Variants in NFKB2 observed in about 807,000 individuals in gnomAD.
The protein encoded by NFKB2 is nuclear factor kappa B subunit 2.
NFKB2 carries 21 observed loss-of-function variants against 109.3 expected under a neutral mutation model. The observed-to-expected ratio is 0.19, with a 90% confidence interval of 0.14 to 0.28. NFKB2 has a LOEUF of 0.28. Among genes scored for constraint, NFKB2 ranks in the 10% least tolerant of loss-of-function variants. The probability of loss-of-function intolerance (pLI) is 1.00; values close to 1 mark genes in which losing one functional copy is unlikely to be tolerated. For synonymous variants in NFKB2, 478 were observed against 489.9 expected (o/e 0.98, Z 0.32); for missense variants, 806 against 1,185.3 (o/e 0.68, Z 4.70).
At position 102,400,578 on chromosome 10, in the gene NFKB2, C is replaced by T. The variant is rs779609849; in HGVS notation, c.1799-77C>T. 57 of 1,597,702 alleles carry T rather than the reference C, an allele frequency of 3.6e-5. No homozygotes were observed. The highest frequency in any genetic ancestry group is 4.5e-5 in the Non-Finnish European group (53 of 1,170,092). ...GTGCCCAGAATGGACTATGAGGTGTCGAGATTGAATGGTCAGGGCTGGTCC... is the reference window on the plus strand; with the variant it reads ...GTGCCCAGAATGGACTATGAGGTGTTGAGATTGAATGGTCAGGGCTGGTCC... On this transcript the variant is annotated intron_variant, in intron 16 of 22. Coordinates refer to ENST00000661543, the MANE Select transcript of NFKB2 (RefSeq NM_001322934.2). The surrounding 1 kb of genome is among the most constrained non-coding windows in gnomAD (Gnocchi z 6.3).
In NFKB2 at chr10:102,399,996, G is replaced by A. The variant is rs2135436829; in HGVS notation, c.1470-84G>A. ...CGTGCTGGGTTCCATGGGCCCCAGC[G>A]AGGGAGACTATGAGGGCGGTGGGGC... is the stretch of plus-strand genomic sequence containing the variant. On this transcript the variant is annotated intron_variant, in intron 14 of 22. Transcript: ENST00000661543. 6 of 1,397,722 alleles carry A rather than the reference G, an allele frequency of 4.3e-6. No individual in the cohort carries two copies. In the South Asian group the frequency reaches 7.1e-5, roughly 17 times the overall value. The allele number at this position is 1,397,722 out of a possible 1,614,324, so 86.6% of individuals were successfully genotyped here. A position where few individuals can be genotyped will look rare whatever the true frequency, so the allele number is the denominator to read the frequency against.
Position 102,399,306 on chromosome 10 carries a change from T to C in NFKB2, c.1136T>C (p.Phe379Ser). 6.3e-7 allele frequency: 1 copy of C among 1,597,864 alleles called. No homozygotes were observed. Among genetic ancestry groups the C allele is most frequent in the Non-Finnish European group, 8.5e-7 (1 of 1,173,064 alleles). Reference sequence around the variant, plus strand: ...TCCACAGGTGGCAGCCTCGGTTTCTTCCCCTCCTCCCTGGCCTACAGCCCC... The same window carrying C: ...TCCACAGGTGGCAGCCTCGGTTTCTCCCCCTCCTCCCTGGCCTACAGCCCC... ...GAGGGGSLGFFPSSLAYSPYQ... is the reference protein window; with the variant it reads ...GAGGGGSLGFSPSSLAYSPYQ... Residue 379 changes from phenylalanine to serine, a missense_variant, in exon 13 of 23, where the codon TTC becomes TCC. Physicochemically the swap from Phe to Ser is radical, Grantham distance 155. Transcript: ENST00000661543.
Position 102,397,502 on chromosome 10 carries a change from G to C in NFKB2, c.503-25G>C, listed in dbSNP as rs374531019. On this transcript the variant is annotated intron_variant, in intron 7 of 22. Transcript: ENST00000661543. This position sits in a 1 kb window ranked among gnomAD's most constrained non-coding sequence, Gnocchi z 4.7. ...AGGAGCAGGGAGGGAGAAGCCCAGG[G>C]GTCACACATGTACCTACTGCCCAGA... 4 of 1,610,160 alleles carry C rather than the reference G, an allele frequency of 2.5e-6. No homozygotes were observed. In the African/African-American group the frequency reaches 5.3e-5, roughly 22 times the overall value.
At chr10:102,395,633 G>A (rs556584645), upstream of NFKB2, 14 of 479,228 alleles carry the variant, frequency 2.9e-5, no homozygotes, top group Admixed American at 2.2e-4. Context: ...GGGGCCAGTG[G>A]CGTCATTTCC....
In NFKB2 at chr10:102,399,572, C is replaced by T. The variant is rs1364475960; in HGVS notation, c.1328-5C>T. 1 of 1,549,660 alleles carries T rather than the reference C, an allele frequency of 6.5e-7. No homozygotes were observed. Among genetic ancestry groups the T allele is most frequent in the Non-Finnish European group, 8.7e-7 (1 of 1,147,150 alleles). ...GCCCTGACCCACGCCCTCTGTGGCC[C>T]GTAGCTCGAGAGTACAACGCGCGCC... On this transcript the variant is annotated splice_region_variant and splice_polypyrimidine_tract_variant and intron_variant, in intron 13 of 22. Transcript: ENST00000661543.
Position 102,401,472 on chromosome 10 carries a change from T to C in NFKB2, c.2247T>C (p.Ala749=). The part of the protein sequence containing the change: ...STKVKTLLLN[A]AQNTMEPPLT... Reference sequence around the variant, plus strand: ...AGGTGAAGACCTTGCTGCTAAATGCTGCTCAGAACACCATGGAGCCACCCC... The same window carrying C: ...AGGTGAAGACCTTGCTGCTAAATGCCGCTCAGAACACCATGGAGCCACCCC... The change falls in exon 20 of 23, where the codon GCT becomes GCC. Residue 749 remains alanine, a synonymous_variant. Transcript: ENST00000661543. The surrounding 1 kb of genome is among the most constrained non-coding windows in gnomAD (Gnocchi z 4.2). The C allele has an allele frequency of 6.2e-7, 1 of 1,613,892 alleles. No homozygotes were observed. The highest frequency in any genetic ancestry group is 1.7e-4 in the Middle Eastern group (1 of 6,058).
In NFKB2 at chr10:102,402,341, C is replaced by T; in HGVS notation, c.2668C>T (p.Leu890Phe). The T allele has an allele frequency of 6.4e-7, 1 of 1,564,888 alleles. No homozygotes were observed. The highest frequency in any genetic ancestry group is 8.6e-7 in the Non-Finnish European group (1 of 1,156,566). Reference protein sequence around the residue: ...LGPPPEPPGGLCHGHPQPQVH With the variant: ...LGPPPEPPGGFCHGHPQPQVH ...CCCACCCCCTGAGCCACCAGGAGGG[C>T]TCTGCCACGGGCACCCCCAGCCTCA... Residue 890 changes from leucine to phenylalanine, a missense_variant, in exon 23 of 23, where the codon CTC becomes TTC. Physicochemically the swap from Leu to Phe is conservative, Grantham distance 22. Around this residue, in one of 10 missense-constraint regions of NFKB2, gnomAD observed 211 missense variants for 268.7 expected, o/e 0.79. Coordinates refer to ENST00000661543, the MANE Select transcript of NFKB2 (RefSeq NM_001322934.2).
Position 102,396,344 on chromosome 10 carries a change from T to C in NFKB2, c.103+10T>C, listed in dbSNP as rs1251667593. ...CCAGCCCCAGAAACAGGTCAGCAAG[T>C]TCACTAACCTCCCCTAGTCCTAAAG... On this transcript the variant is annotated intron_variant, in intron 3 of 22. Coordinates refer to ENST00000661543, the MANE Select transcript of NFKB2 (RefSeq NM_001322934.2). This position sits in a 1 kb window ranked among gnomAD's most constrained non-coding sequence, Gnocchi z 5.9. 1 of 1,613,458 alleles carries C rather than the reference T, an allele frequency of 6.2e-7. No homozygotes were observed. Among genetic ancestry groups the C allele is most frequent in the Non-Finnish European group, 8.5e-7 (1 of 1,179,466 alleles).
chr10:102,400,540 G>A lies in NFKB2; in HGVS notation c.1798+49G>A. On this transcript the variant is annotated intron_variant, in intron 16 of 22. Coordinates refer to ENST00000661543, the MANE Select transcript of NFKB2 (RefSeq NM_001322934.2). This position sits in a 1 kb window ranked among gnomAD's most constrained non-coding sequence, Gnocchi z 6.3. ...TAAGGGGGCAGGCGGGGACCAGGGA[G>A]GGTATCTGGCCAGTGCCCAGAATGG... 1 of 1,588,500 alleles carries A rather than the reference G, an allele frequency of 6.3e-7. No homozygotes were observed. The highest frequency in any genetic ancestry group is 8.6e-7 in the Non-Finnish European group (1 of 1,166,528).
In NFKB2 at chr10:102,396,006, C is replaced by T; in HGVS notation, c.21+26C>T. The stretch of plus-strand genomic sequence containing the variant: ...GTGAGTCATGCCGCCTGCCCCTGAC[C>T]CGGCCGGCTGCCCCTCGTGTCTGTC... On this transcript the variant is annotated intron_variant, in intron 2 of 22. Transcript: ENST00000661543. This position sits in a 1 kb window ranked among gnomAD's most constrained non-coding sequence, Gnocchi z 5.9. The T allele has an allele frequency of 6.2e-7, 1 of 1,611,802 alleles. No homozygotes were observed. Among genetic ancestry groups the T allele is most frequent in the African/African-American group, 1.3e-5 (1 of 75,042 alleles).
At position 102,401,402 on chromosome 10, in the gene NFKB2, C is replaced by CTTAA. The variant is rs756789475; in HGVS notation, c.2224-46_2224-43dup. 3 of 1,613,398 alleles carry CTTAA rather than the reference C, an allele frequency of 1.9e-6. No homozygotes were observed. In the African/African-American group the frequency reaches 4.0e-5, roughly 22 times the overall value. On this transcript the variant is annotated intron_variant, in intron 19 of 22. Transcript: ENST00000661543. This position sits in a 1 kb window ranked among gnomAD's most constrained non-coding sequence, Gnocchi z 4.2. ...GAGTATCTGGACTTAAAGACACAGG[C>CTTAA]TTAAGGACGAGGTGGGAGGTAGTCA...
rs1223564773 is a variant in NFKB2, at chr10:102,400,356, C to T, written c.1663C>T (p.Leu555=). ...GCTGCGGGTAGGTGCAGACCCAGCT[C>T]TGCTGGATCGGCATGGAGACTCAGC... The part of the protein sequence containing the change: ...FLLRVGADPA[L]LDRHGDSAMH... Residue 555 remains leucine, a synonymous_variant, in exon 16 of 23, where the codon CTG becomes TTG. Transcript: ENST00000661543. This position sits in a 1 kb window ranked among gnomAD's most constrained non-coding sequence, Gnocchi z 6.3. 6.2e-7 allele frequency: 1 copy of T among 1,613,884 alleles called. No individual in the cohort carries two copies. Among genetic ancestry groups the T allele is most frequent in the South Asian group, 1.1e-5 (1 of 91,090 alleles).
rs749056816 is a variant in NFKB2, at chr10:102,399,442, C to G, written c.1272C>G (p.Ser424Arg). The change falls in exon 13 of 23, where the codon AGC (serine) becomes AGG (arginine). Residue 424 changes from serine to arginine, a missense_variant. By Grantham distance (110) the Ser-to-Arg change is moderately radical (BLOSUM62 -1). Coordinates refer to ENST00000661543, the MANE Select transcript of NFKB2 (RefSeq NM_001322934.2). ...RDSGEEAAEP[S>R]APSRTPQCEP... ...CCGGGGAGGAAGCCGCGGAGCCAAG[C>G]GCCCCCTCCAGGACCCCCCAGTGCG... 1.3e-6 allele frequency: 2 copies of G among 1,513,358 alleles called. No individual in the cohort carries two copies. Among genetic ancestry groups the G allele is most frequent in the South Asian group, 1.2e-5 (1 of 80,566 alleles). 93.7% of individuals were successfully genotyped at this position (1,513,358 alleles called of 1,614,324 possible).
In NFKB2 at chr10:102,396,407, G is replaced by C; in HGVS notation, c.104-42G>C. ...AGCATGTGCCCTCTCTCTGGGGGAGGGGCTGGGAGATCGTGGCTCAGCAAG... is the reference window on the plus strand; with the variant it reads ...AGCATGTGCCCTCTCTCTGGGGGAGCGGCTGGGAGATCGTGGCTCAGCAAG... On this transcript the variant is annotated intron_variant, in intron 3 of 22. Transcript: ENST00000661543. The surrounding 1 kb of genome is among the most constrained non-coding windows in gnomAD (Gnocchi z 5.9). 1 of 1,614,146 alleles carries C rather than the reference G, an allele frequency of 6.2e-7. No homozygotes were observed.
chr10:102,402,525 T>C (rs1011098417), downstream of NFKB2: 5 of 569,930 alleles, frequency 8.8e-6, no homozygotes, highest in South Asian at 2.3e-5. Context: ...TCCCAACTTA[T>C]GGCAGCCCCT....
Position 102,398,847 on chromosome 10 carries a change from A to T in NFKB2, c.1100A>T (p.Tyr367Phe). The T allele has an allele frequency of 1.3e-6, 2 of 1,599,454 alleles. No individual in the cohort carries two copies. Among genetic ancestry groups the T allele is most frequent in the Non-Finnish European group, 1.7e-6 (2 of 1,173,344 alleles). ...GGCTCTGGGGGTGCAGCCGGGGGCTACGGAGGAGCTGGAGGAGGTGAGGGG... is the reference window on the plus strand; with the variant it reads ...GGCTCTGGGGGTGCAGCCGGGGGCTTCGGAGGAGCTGGAGGAGGTGAGGGG... ...GGGSGGAAGG[Y>F]GGAGGGGSLG... The change falls in exon 12 of 23, where the codon TAC becomes TTC. Residue 367 changes from tyrosine (Y) to phenylalanine (F), a missense_variant. Coordinates refer to ENST00000661543, the MANE Select transcript of NFKB2 (RefSeq NM_001322934.2). This position sits in a 1 kb window ranked among gnomAD's most constrained non-coding sequence, Gnocchi z 6.6.
rs533472348 is a variant in NFKB2, at chr10:102,399,258, C to T, written c.1118-30C>T. ...ATCTGGGAGAGTCATGGCTGGTGCC[C>T]GCTTCCCACAGCCCTGCCTGTATCC... On this transcript the variant is annotated intron_variant, in intron 12 of 22. Transcript: ENST00000661543. The T allele has an allele frequency of 4.7e-4, 738 of 1,557,830 alleles. 1 individual carries two copies. The highest frequency in any genetic ancestry group is 6.1e-4 in the Admixed American group (32 of 52,550).
upstream of NFKB2, among the ~76,000 whole-genome samples, chr10:102,395,122 G>A (rs527558550): frequency 4.4e-5 from 6 of 135,028 alleles, no homozygotes; most frequent in Non-Finnish European, 9.5e-5. Flanking sequence ...GGGGGGGAGC[G>A]TGCAGAGATC....
At chr10:102,394,427 A>C (rs1270911365), upstream of NFKB2, 4 of 152,586 alleles carry the variant, frequency 2.6e-5, no homozygotes, top group Admixed American at 2.6e-4. Context: ...TTAAACTTTC[A>C]GCCAATGAAA....
Sources: gnomAD v4.1 joint callset for allele counts (sites outside exome capture counted in the v4.1 genomes callset) on GRCh38, gnomAD v4.1.1 for gene constraint, gnomAD v4.1.1 regional missense constraint, Gnocchi (gnomAD v3.1) non-coding constraint, MANE v1.5 for transcripts, NCBI Gene and HGNC (gene_info 2026-07-23, HGNC 2026-07-21) for gene names.